The following ECE1 variants were observed in gnomAD, a reference collection of about 807,000 sequenced individuals.
The protein encoded by ECE1 is endothelin-converting enzyme 1.
ECE1 carries 35 observed loss-of-function variants against 98.6 expected under a neutral mutation model. The observed-to-expected ratio is 0.35, with a 90% CI of 0.27 to 0.47. The LOEUF (loss-of-function observed/expected upper bound fraction) is 0.47, where lower values mean the gene tolerates loss of function less well. ECE1 is among the 20% of genes least tolerant of loss of function. The pLI is 1.00. For missense variants in ECE1, 814 were observed against 1,025.3 expected, an observed-to-expected ratio of 0.79 and a Z score of 2.81; for synonymous variants, 394 against 407.1, an observed-to-expected ratio of 0.97 and a Z score of 0.39.
Position 21,276,849 on chromosome 1 carries a change from T to A in ECE1, c.280+2342A>T, listed in dbSNP as rs182409153. ...GCACCATCACAGCCACCTGAGTAGC[T>A]GGGACTACAGTTGTGCGCCACCATC... On this transcript the variant is annotated intron_variant, in intron 3 of 18. Transcript: ENST00000374893. Among the ~76,000 whole-genome samples, 5 of 152,250 alleles carry A rather than the reference T, an allele frequency of 3.3e-5. No homozygotes were observed. The East Asian group carries it at 9.7e-4, about 29-fold the overall frequency.
At chr1:21,256,204 G>C in intron 7 of ECE1, 66 bp from the exon 8 acceptor site, 2 of 1,528,600 alleles carry the variant, frequency 1.3e-6, no homozygotes, top group African/African-American at 1.4e-5. Flanking sequence ...GAGAGTTGGT[G>C]GGGGGCTTGG....
At position 21,220,102 on chromosome 1, in the gene ECE1, G is replaced by A; in HGVS notation, c.2166C>T (p.Ser722=). ...GATCGGTGATGAGGCCTTCGTGGGAGCTCTCAGGTGTGCGGACGGAGCACC... is the reference window on the plus strand; with the variant it reads ...GATCGGTGATGAGGCCTTCGTGGGAACTCTCAGGTGTGCGGACGGAGCACC... ...QVWCSVRTPE[S]SHEGLITDPH... The change falls in exon 19 of 19, where the codon AGC becomes AGT. Residue 722 remains serine (S), a synonymous_variant. Transcript: ENST00000374893. The surrounding 1 kb of genome is among the most constrained non-coding windows in gnomAD (Gnocchi z 5.0). The A allele has an allele frequency of 3.1e-6, 5 of 1,613,670 alleles. No individual in the cohort carries two copies. In the South Asian group the frequency reaches 4.4e-5, roughly 14 times the overall value.
chr1:21,237,748 C>A (rs2103242723), intron 11 of ECE1, among the ~76,000 whole-genome samples: 1 of 152,320 alleles, frequency 6.6e-6, no homozygotes, highest in Admixed American at 6.5e-5. Flanking sequence ...GGCGCTCTGC[C>A]ATGGCACTCC....
At chr1:21,313,020 T>G (rs1638761508) in intron 1 of ECE1, among the ~76,000 whole-genome samples, 1 of 152,156 alleles carries the variant, frequency 6.6e-6, no homozygotes, top group Non-Finnish European at 1.5e-5. Context: ...AGTGACTTGC[T>G]TGGATCACAC....
rs1313360105 is a variant in ECE1, at chr1:21,260,567, CAG to C, written c.494-177_494-176del. On this transcript the variant is annotated intron_variant, in intron 4 of 18. Coordinates refer to ENST00000374893, the MANE Select transcript of ECE1 (RefSeq NM_001397.3). This position sits in a 1 kb window ranked among gnomAD's most constrained non-coding sequence, Gnocchi z 4.3. Reference sequence around the variant, plus strand: ...CCGTGAGTATGTGAGGGCCCCTGGACAGAGCCTGGCAAGCTGAAGGCGCTCCC... The same window carrying C: ...CCGTGAGTATGTGAGGGCCCCTGGACAGCCTGGCAAGCTGAAGGCGCTCCC... Among the ~76,000 whole-genome samples the C allele has an allele frequency of 1.1e-4, 16 of 152,146 alleles. No individual in the cohort carries two copies. The highest frequency in any genetic ancestry group is 1.8e-4 in the Non-Finnish European group (12 of 68,024).
intron 1 of ECE1, among the ~76,000 whole-genome samples, chr1:21,300,420 G>A (rs751608948): frequency 2.6e-5 from 4 of 152,218 alleles, no homozygotes; most frequent in African/African-American, 4.8e-5. Context: ...GCTTTGCAAC[G>A]GAAAGACTGC....
At chr1:21,240,380 G>A (rs759215672) in intron 10 of ECE1, among the ~76,000 whole-genome samples, 19 of 151,074 alleles carry the variant, frequency 1.3e-4, no homozygotes, top group African/African-American at 3.4e-4. Flanking sequence ...CCAGCTACTC[G>A]GGAGGCTGAG....
rs556833895 is a variant in ECE1 at position 21,262,065 on chromosome 1, C to T, written c.494-1673G>A. ...CCCCCGATCCTCACCATAAATAGCA[C>T]CATGGCTTTCACTGATCAGAGCATC... On this transcript the variant is annotated intron_variant, in intron 4 of 18. Transcript: ENST00000374893. Among the ~76,000 whole-genome samples the T allele has an allele frequency of 4.6e-5, 7 of 152,272 alleles. 1 individual carries two copies. The South Asian group carries it at 1.5e-3, about 32-fold the overall frequency.
At chr1:21,342,886 C>T (rs1000459289) in intron 1 of ECE1, among the ~76,000 whole-genome samples, 1 of 152,180 alleles carries the variant, frequency 6.6e-6, no homozygotes, top group African/African-American at 2.4e-5. Flanking sequence ...ATGCATGCAC[C>T]GCCGGTCAAC....
chr1:21,296,710 C>T (rs1355155887), intron 1 of ECE1, among the ~76,000 whole-genome samples: 1 of 152,198 alleles, frequency 6.6e-6, no homozygotes, highest in Non-Finnish European at 1.5e-5. Flanking sequence ...CTTGCCAGAG[C>T]TGGAGCCCAA....
chr1:21,280,416 G>T (rs1232949591), intron 2 of ECE1, among the ~76,000 whole-genome samples: 1 of 152,196 alleles, frequency 6.6e-6, no homozygotes, highest in Admixed American at 6.5e-5. Flanking sequence ...TCCTGGAACG[G>T]GTGATGTCTG....
At chr1:21,257,790 C>CT (rs1401654670) in intron 6 of ECE1, among the ~76,000 whole-genome samples, 200 bp from the exon 7 acceptor site, 1 of 152,030 alleles carries the variant, frequency 6.6e-6, no homozygotes, top group Non-Finnish European at 1.5e-5. Context: ...ACGTGGCCCC[C>CT]CCCCGCAGGG....
chr1:21,220,037 G>A lies in ECE1; in HGVS notation c.2231C>T (p.Ser744Phe). Residue 744 changes from serine to phenylalanine, a missense_variant, in exon 19 of 19, where the codon TCC (serine) becomes TTC (phenylalanine). Ser to Phe is a radical substitution (Grantham distance 155, BLOSUM62 -2). Transcript: ENST00000374893. The surrounding 1 kb of genome is among the most constrained non-coding windows in gnomAD (Gnocchi z 5.0). ...GTGTTCTGAGAACTCCTTGGAATTGGAGAGGGAGCCGATGACCCGGAAGCG... is the reference window on the plus strand; with the variant it reads ...GTGTTCTGAGAACTCCTTGGAATTGAAGAGGGAGCCGATGACCCGGAAGCG... ...PSRFRVIGSL[S>F]NSKEFSEHFR... The A allele has an allele frequency of 6.2e-7, 1 of 1,614,262 alleles. No individual in the cohort carries two copies. Among genetic ancestry groups the A allele is most frequent in the Non-Finnish European group, 8.5e-7 (1 of 1,180,046 alleles).
At chr1:21,289,993 C>CGGGGGGGGGGGGGGGGGGGGGGGGGG in intron 2 of ECE1, 77 bp downstream of exon 2, 1 of 897,826 alleles carries the variant, frequency 1.1e-6, no homozygotes. Flanking sequence ...TAGGTAGGGG[C>CGGGGGGGGGGGGGGGGGGGGGGGGGG]GGGGGGCGCG....
chr1:21,279,601 G>C, intron 2 of ECE1: 1 of 1,433,338 alleles, frequency 7.0e-7, no homozygotes, highest in South Asian at 1.5e-5. Flanking sequence ...GATATGAGTG[G>C]AAGGAAAAAA....
At chr1:21,222,657 A>G (rs950129812) in intron 17 of ECE1, among the ~76,000 whole-genome samples, 2 of 151,928 alleles carry the variant, frequency 1.3e-5, no homozygotes, top group African/African-American at 4.8e-5. Context: ...CCTGGCCAAC[A>G]TGGTGAAACC....
chr1:21,257,686 A>G, intron 6 of ECE1, 96 bp from the exon 7 acceptor site: 1 of 1,314,964 alleles, frequency 7.6e-7, no homozygotes, highest in Non-Finnish European at 1.1e-6. Context: ...ACATGGCAGC[A>G]GAGGCCCAGC....
At chr1:21,298,650 CAT>C (rs1406269256) in intron 1 of ECE1, 2 of 420,358 alleles carry the variant, frequency 4.8e-6, no homozygotes, top group Middle Eastern at 3.5e-4. Context: ...CTCGGTGGCA[CAT>C]GTCAGCTCCT....
At chr1:21,236,169 G>A (rs1054446265) in intron 12 of ECE1, among the ~76,000 whole-genome samples, 1 of 152,254 alleles carries the variant, frequency 6.6e-6, no homozygotes, top group African/African-American at 2.4e-5. Context: ...TCCCACTGGA[G>A]GGTGCCAGAG....
Sources: gnomAD v4.1 joint callset for allele counts (sites outside exome capture counted in the v4.1 genomes callset) on GRCh38, gnomAD v4.1.1 for gene constraint, Gnocchi (gnomAD v3.1) non-coding constraint, MANE v1.5 for transcripts, NCBI Gene and HGNC (gene_info 2026-07-23, HGNC 2026-07-21) for gene names.